The following SPATA6 variants were observed in gnomAD, a reference collection of about 807,000 sequenced individuals.
SPATA6 encodes spermatogenesis-associated protein 6.
SPATA6 carries 56 observed loss-of-function variants against 65.3 expected under a neutral mutation model. The ratio of observed to expected loss-of-function variants is 0.86; its 90% confidence interval spans 0.69 to 1.07. The LOEUF is 1.07. SPATA6 is among the 50% of genes least tolerant of loss of function. The pLI is 0.00. For missense variants in SPATA6, 590 were observed against 594.8 expected (o/e 0.99, Z 0.08); for synonymous variants, 199 against 213.2 (o/e 0.93, Z 0.58).
intron 11 of SPATA6, among the ~76,000 whole-genome samples, chr1:48,306,773 G>C (rs970799580): frequency 6.6e-6 from 1 of 151,932 alleles, no homozygotes; most frequent in Non-Finnish European, 1.5e-5. Flanking sequence ...ACTAGGAAGA[G>C]AGCATTATGT....
chr1:48,352,903 CAAAAAAAA>C (rs35929341), intron 11 of SPATA6, among the ~76,000 whole-genome samples: 2 of 133,342 alleles, frequency 1.5e-5, no homozygotes, highest in East Asian at 2.2e-4. Flanking sequence ...CTTTTAAATA[CAAAAAAAA>C]AAAAAAAAAA....
chr1:48,431,968 G>A (rs540721630), intron 3 of SPATA6, among the ~76,000 whole-genome samples: 34 of 152,158 alleles, frequency 2.2e-4, no homozygotes, highest in Admixed American at 2.0e-3. Flanking sequence ...AAATTAGCTG[G>A]GCATGGTGGT....
chr1:48,271,759 A>G, the SPATA6 span, among the ~76,000 whole-genome samples: 1 of 152,150 alleles, frequency 6.6e-6, no homozygotes, highest in Non-Finnish European at 1.5e-5. Context: ...GTCACTGATA[A>G]TTCAGTTTGC....
Position 48,359,657 on chromosome 1 carries a change from G to C in SPATA6, c.1023C>G (p.Val341=). 5 of 1,613,768 alleles carry C rather than the reference G, an allele frequency of 3.1e-6. No individual in the cohort carries two copies. Among genetic ancestry groups the C allele is most frequent in the Non-Finnish European group, 4.2e-6 (5 of 1,179,816 alleles). The change falls in exon 10 of 13, where the codon GTC becomes GTG. Residue 341 remains valine (V), a synonymous_variant. Transcript: ENST00000371847. The stretch of plus-strand genomic sequence containing the variant: ...TTGGCATTGTTGAGGGTGCTGAATG[G>C]ACTAGCAAGGTCCTCGCTGAATGCC... ...KPRHSARTLL[V]HSAPSTMPKH... is the part of the protein sequence containing the mutation.
chr1:48,351,744 T>C lies in SPATA6; in HGVS notation c.1194+3926A>G, dbSNP rs375003317. On this transcript the variant is annotated intron_variant, in intron 11 of 12. Transcript: ENST00000371847. The stretch of plus-strand genomic sequence containing the variant: ...GCCATTGGTCTACATTTTTCTTTGC[T>C]TGTAATGTTGATGTCTGGTTATAGC... Among the ~76,000 whole-genome samples, 11 of 152,174 alleles carry C rather than the reference T, an allele frequency of 7.2e-5. No individual in the cohort carries two copies. The South Asian group carries it at 1.4e-3, about 20-fold the overall frequency.
chr1:48,414,654 C>T (rs931238799), intron 3 of SPATA6, among the ~76,000 whole-genome samples: 15 of 152,144 alleles, frequency 9.9e-5, no homozygotes, highest in Admixed American at 2.6e-4. Context: ...GGGGCATAGG[C>T]TCACCAAAAG....
intron 9 of SPATA6, among the ~76,000 whole-genome samples, chr1:48,366,546 T>G (rs1442968872): frequency 1.3e-5 from 2 of 152,218 alleles, no homozygotes; most frequent in African/African-American, 2.4e-5. Context: ...GTCTACGAAT[T>G]TATCCATTTC....
rs538256444 is a variant in SPATA6 at position 48,472,004 on chromosome 1, G to A, written c.5C>T (p.Pro2Leu). The part of the protein sequence containing the change: M[P>L]KVKALQCALA... ...GGCGCACTGCAGCGCCTTCACCTTC[G>A]GCATCCGTGCGGGGAGGGGCGGCGG... The change falls in exon 1 of 13, where the codon CCG becomes CTG. Residue 2 changes from proline to leucine, a missense_variant. By Grantham distance (98) the Pro-to-Leu change is moderately conservative. Coordinates refer to ENST00000371847, the MANE Select transcript of SPATA6 (RefSeq NM_019073.4). 8 of 1,575,640 alleles carry A rather than the reference G, an allele frequency of 5.1e-6. No homozygotes were observed. The South Asian group carries it at 6.9e-5, about 14-fold the overall frequency.
chr1:48,324,049 A>G (rs1345237914), intron 11 of SPATA6, among the ~76,000 whole-genome samples: 1 of 152,130 alleles, frequency 6.6e-6, no homozygotes, highest in Non-Finnish European at 1.5e-5. Flanking sequence ...GCCAGGGCTC[A>G]AGCAATTCTC....
At chr1:48,418,209 C>A (rs1652961070) in intron 3 of SPATA6, among the ~76,000 whole-genome samples, 1 of 152,028 alleles carries the variant, frequency 6.6e-6, no homozygotes, top group Non-Finnish European at 1.5e-5. Flanking sequence ...TCAAATAACA[C>A]AATATATCCT....
chr1:48,458,686 T>C (rs1469431286), intron 1 of SPATA6, among the ~76,000 whole-genome samples: 1 of 152,128 alleles, frequency 6.6e-6, no homozygotes. Context: ...AAAAGTAAGA[T>C]ACAAAAGGCC....
At chr1:48,266,562 A>G in the SPATA6 span, among the ~76,000 whole-genome samples, 4 of 152,238 alleles carry the variant, frequency 2.6e-5, no homozygotes, top group Non-Finnish European at 4.4e-5. Flanking sequence ...TTTATGAAAA[A>G]AAGCTTATTA....
chr1:48,449,792 GGTTCTGTATTTTTTAAAGCCTTTATCT>G (rs1262650493), intron 3 of SPATA6, among the ~76,000 whole-genome samples: 2 of 152,284 alleles, frequency 1.3e-5, no homozygotes, highest in South Asian at 2.1e-4. Context: ...CCAGCATGGT[GGTTCTGTATTTTTTAAAGCCTTTATCT>G]GTTAGAGGCC....
chr1:48,335,228 A>G (rs968863107), intron 11 of SPATA6, among the ~76,000 whole-genome samples: 2 of 152,078 alleles, frequency 1.3e-5, no homozygotes, highest in Non-Finnish European at 2.9e-5. Flanking sequence ...TACAGATTCA[A>G]TGCTATTCCT....
chr1:48,395,978 G>A, intron 7 of SPATA6, among the ~76,000 whole-genome samples: 1 of 151,372 alleles, frequency 6.6e-6, no homozygotes, highest in Non-Finnish European at 1.5e-5. Context: ...ATCTGATAAG[G>A]GGTTATTATC....
In SPATA6 at chr1:48,403,890, G is replaced by T. The variant is rs911283873; in HGVS notation, c.406-8C>A. ...CAGCCTTGGAGCATTTCCCTGAGAA[G>T]AAAAAAGAGGGTATTATTACACATT... is the stretch of plus-strand genomic sequence containing the variant. On this transcript the variant is annotated splice_region_variant and splice_polypyrimidine_tract_variant and intron_variant, in intron 5 of 12. Transcript: ENST00000371847. 6.3e-7 allele frequency: 1 copy of T among 1,585,282 alleles called. No homozygotes were observed. Among genetic ancestry groups the T allele is most frequent in the Non-Finnish European group, 8.6e-7 (1 of 1,162,000 alleles).
intron 8 of SPATA6, among the ~76,000 whole-genome samples, chr1:48,387,582 A>C (rs1044953298): frequency 1.3e-5 from 2 of 151,872 alleles, no homozygotes; most frequent in African/African-American, 4.8e-5. Flanking sequence ...CCTGGCGACC[A>C]CTCTGCCCCT....
intron 7 of SPATA6, among the ~76,000 whole-genome samples, chr1:48,398,302 AC>A (rs1650798259): frequency 1.3e-5 from 2 of 151,756 alleles, no homozygotes; most frequent in South Asian, 2.1e-4. Context: ...GTTAAAAAAA[AC>A]GACTCATAGT....
At chr1:48,269,298 G>A in the SPATA6 span, among the ~76,000 whole-genome samples, 1 of 152,020 alleles carries the variant, frequency 6.6e-6, no homozygotes, top group Non-Finnish European at 1.5e-5. Context: ...CATTGTACTA[G>A]GTACTCCATG....
Sources: allele counts gnomAD v4.1 joint callset (sites outside exome capture counted in the v4.1 genomes callset), GRCh38; gene constraint gnomAD v4.1.1; transcripts MANE v1.5; gene names NCBI Gene and HGNC (gene_info 2026-07-23, HGNC 2026-07-21).